TAFA4: variants seen among roughly 807,000 people sequenced by gnomAD.
TAFA4 encodes chemokine-like protein TAFA-4.
In TAFA4, 20 loss-of-function variants were observed where a neutral mutation model predicts 21.1. The ratio of observed to expected loss-of-function variants is 0.95; its 90% confidence interval spans 0.67 to 1.38. TAFA4 has a LOEUF of 1.38. TAFA4 is among the 40% of genes most tolerant of loss of function. The pLI, the probability that TAFA4 is intolerant of heterozygous loss-of-function variation, is 0.00. For synonymous variants in TAFA4, 71 were observed against 67.4 expected, an observed-to-expected ratio of 1.05 and a Z score of -0.26; for missense variants, 211 against 180.9, an observed-to-expected ratio of 1.17 and a Z score of -0.95.
At chr3:68,869,001 G>C (rs577068058) in intron 3 of TAFA4, among the ~76,000 whole-genome samples, 257 of 149,798 alleles carry the variant, frequency 1.7e-3, no homozygotes, top group Non-Finnish European at 3.4e-3. Context: ...AAAGAGGGAA[G>C]ACCCAAATAA....
chr3:68,854,219 G>A (rs1705016871), intron 3 of TAFA4, among the ~76,000 whole-genome samples: 1 of 151,934 alleles, frequency 6.6e-6, no homozygotes, highest in Non-Finnish European at 1.5e-5. Flanking sequence ...CCAGGTGGAG[G>A]GAACACAGGC....
At chr3:68,870,243 A>G (rs1377320727) in intron 3 of TAFA4, among the ~76,000 whole-genome samples, 1 of 152,108 alleles carries the variant, frequency 6.6e-6, no homozygotes, top group East Asian at 1.9e-4. Flanking sequence ...ATGGGTTAGA[A>G]GAATTAATAT....
intron 3 of TAFA4, among the ~76,000 whole-genome samples, chr3:68,830,876 A>T (rs1341935153): frequency 6.6e-6 from 1 of 152,178 alleles, no homozygotes; most frequent in Non-Finnish European, 1.5e-5. Flanking sequence ...GTGTTCCTGT[A>T]TTGGGTGCAT....
intron 3 of TAFA4, among the ~76,000 whole-genome samples, chr3:68,861,296 T>C (rs555395704): frequency 2.0e-4 from 30 of 152,040 alleles, no homozygotes; most frequent in Non-Finnish European, 4.0e-4. Flanking sequence ...CATCCTTCAC[T>C]ACCAAAAACT....
chr3:68,735,994 G>A (rs562892507), intron 5 of TAFA4, among the ~76,000 whole-genome samples: 2 of 152,054 alleles, frequency 1.3e-5, no homozygotes, highest in African/African-American at 2.4e-5. Context: ...TGTCTACTCA[G>A]GGGCAAAATT....
At chr3:68,878,927 C>A (rs1333714944) in intron 3 of TAFA4, among the ~76,000 whole-genome samples, 1 of 152,120 alleles carries the variant, frequency 6.6e-6, no homozygotes, top group Non-Finnish European at 1.5e-5. Context: ...CCTACCGTAA[C>A]ACCCATCTGC....
intron 1 of TAFA4, among the ~76,000 whole-genome samples, chr3:68,899,490 A>G (rs1403733183): frequency 2.0e-5 from 3 of 152,096 alleles, no homozygotes; most frequent in Non-Finnish European, 4.4e-5. Flanking sequence ...GACTCAGATA[A>G]AGGCCTAGGA....
intron 2 of TAFA4, among the ~76,000 whole-genome samples, chr3:68,884,742 C>T (rs1443873162): frequency 6.6e-6 from 1 of 152,216 alleles, no homozygotes; most frequent in East Asian, 1.9e-4. Context: ...GCACACATTC[C>T]AAATCCTGGG....
At chr3:68,815,553 G>C (rs7433997) in intron 3 of TAFA4, among the ~76,000 whole-genome samples, 1 of 151,906 alleles carries the variant, frequency 6.6e-6, no homozygotes, top group Non-Finnish European at 1.5e-5. Flanking sequence ...GCCAAAAGAC[G>C]CATGAAAAAA....
chr3:68,896,239 T>C (rs1219092211), intron 1 of TAFA4, among the ~76,000 whole-genome samples: 4 of 152,090 alleles, frequency 2.6e-5, no homozygotes, highest in African/African-American at 9.7e-5. Flanking sequence ...AAATGTGGTA[T>C]AAGAGTTTTA....
chr3:68,823,187 A>C (rs1388247124), intron 3 of TAFA4, among the ~76,000 whole-genome samples: 1 of 152,156 alleles, frequency 6.6e-6, no homozygotes, highest in Non-Finnish European at 1.5e-5. Context: ...AATTTGGGGA[A>C]ATGGGGTGCT....
At chr3:68,871,812 A>C (rs2089485966) in intron 3 of TAFA4, among the ~76,000 whole-genome samples, 1 of 152,162 alleles carries the variant, frequency 6.6e-6, no homozygotes, top group Admixed American at 6.6e-5. Context: ...GCTCAGCATC[A>C]CTAATCAACA....
intron 3 of TAFA4, among the ~76,000 whole-genome samples, chr3:68,820,592 G>A (rs533980879): frequency 1.0e-3 from 152 of 152,234 alleles, no homozygotes; most frequent in Non-Finnish European, 1.7e-3. Context: ...CTTGAACCTA[G>A]GAGGTCAAGG....
At chr3:68,733,257 G>T in intron 5 of TAFA4, 104 bp from the exon 6 acceptor site, 1 of 1,426,390 alleles carries the variant, frequency 7.0e-7, no homozygotes, top group Non-Finnish European at 9.5e-7. Context: ...TACTTTATCA[G>T]TTTGTACATT....
chr3:68,795,029 C>CACAA (rs1553642071), intron 3 of TAFA4, among the ~76,000 whole-genome samples: 1 of 150,488 alleles, frequency 6.6e-6, no homozygotes, highest in Admixed American at 6.6e-5. Flanking sequence ...CACACACACA[C>CACAA]ACACACAGAC....
chr3:68,761,101 T>C (rs778297475), intron 3 of TAFA4, among the ~76,000 whole-genome samples: 1 of 152,204 alleles, frequency 6.6e-6, no homozygotes, highest in Non-Finnish European at 1.5e-5. Flanking sequence ...GCTGGAATAC[T>C]AGCTTCCAGA....
At chr3:68,860,085 T>G (rs943414383) in intron 3 of TAFA4, among the ~76,000 whole-genome samples, 2 of 152,252 alleles carry the variant, frequency 1.3e-5, no homozygotes, top group South Asian at 4.1e-4. Flanking sequence ...TAATTATAAC[T>G]GTCAAATTAC....
intron 3 of TAFA4, among the ~76,000 whole-genome samples, chr3:68,770,741 C>A (rs1018687342): frequency 6.6e-6 from 1 of 152,138 alleles, no homozygotes; most frequent in East Asian, 1.9e-4. Context: ...TTTTGTGCAA[C>A]CCATCTCTTA....
chr3:68,848,299 T>C (rs1001974202), intron 3 of TAFA4, among the ~76,000 whole-genome samples: 3 of 152,206 alleles, frequency 2.0e-5, no homozygotes, highest in African/African-American at 7.2e-5. Context: ...ACCTCATACA[T>C]GGCTCTAAGG....
Sources: gnomAD v4.1 joint callset for allele counts (sites outside exome capture counted in the v4.1 genomes callset) on GRCh38, gnomAD v4.1.1 for gene constraint, MANE v1.5 for transcripts, NCBI Gene and HGNC (gene_info 2026-07-23, HGNC 2026-07-21) for gene names.